The following RGS3 variants were observed in gnomAD, a reference collection of about 807,000 sequenced individuals.
The protein encoded by RGS3 is regulator of G-protein signalling 3.
Under a neutral mutation model 132.6 loss-of-function variants are expected in RGS3, and 80 were observed. That is an observed-to-expected ratio of 0.60 (90% CI 0.50 to 0.73). The LOEUF (loss-of-function observed/expected upper bound fraction) is 0.73. RGS3 is among the 30% of genes least tolerant of loss of function. RGS3 has a pLI of 0.00. For synonymous variants in RGS3, 598 were observed against 620.6 expected (o/e 0.96, Z 0.54); for missense variants, 1,382 against 1,530.8 (o/e 0.90, Z 1.62).
intron 15 of RGS3, 120 bp from the exon 14 acceptor site, chr9:113,517,421 G>C: frequency 1.3e-6 from 1 of 796,324 alleles, no homozygotes; most frequent in Non-Finnish European, 2.2e-6. Flanking sequence ...GTGGCGGGCT[G>C]ACAGTCTTCT....
chr9:113,569,141 G>A lies in RGS3; in HGVS notation c.2038-14309G>A, dbSNP rs558068093. Reference sequence around the variant, plus strand: ...AGGCTGCTGCCGGAGAACTGTCAGCGGCTCCCAACTTAGAAAGGGGGGTGT... The same window carrying A: ...AGGCTGCTGCCGGAGAACTGTCAGCAGCTCCCAACTTAGAAAGGGGGGTGT... On this transcript the variant is annotated intron_variant, in intron 19 of 24. Coordinates refer to ENST00000350696, the Ensembl canonical transcript of RGS3. 5.3e-5 allele frequency among the ~76,000 whole-genome samples: 8 copies of A among 152,298 alleles called. No homozygotes were observed. In the East Asian group the frequency reaches 1.4e-3, roughly 26 times the overall value.
intron 19 of RGS3, among the ~76,000 whole-genome samples, chr9:113,571,476 C>T (rs997302264): frequency 2.0e-5 from 3 of 152,122 alleles, no homozygotes; most frequent in South Asian, 4.2e-4. Context: ...CTGGTGAGGT[C>T]GAGTCCCTTT....
rs549515421 is a variant in RGS3, at chr9:113,573,993, G to A, written c.2038-9457G>A. ...TGACTTGCTTTTTGATCTTGTGTAA[G>A]TTACTTAATGTCTCTAACTCCTAGT... On this transcript the variant is annotated intron_variant, in intron 19 of 24. Coordinates refer to ENST00000350696, the Ensembl canonical transcript of RGS3. Among the ~76,000 whole-genome samples, 30 of 152,308 alleles carry A rather than the reference G, an allele frequency of 2.0e-4. 1 individual carries two copies. Among genetic ancestry groups the A allele is most frequent in the African/African-American group, 6.3e-4 (26 of 41,548 alleles).
At chr9:113,480,224 C>T (rs1830114667) in intron 4 of RGS3, among the ~76,000 whole-genome samples, 2 of 151,952 alleles carry the variant, frequency 1.3e-5, no homozygotes, top group South Asian at 2.1e-4. Context: ...TTTGGGAGGC[C>T]GAGGCGGGCA....
chr9:113,515,109 G>A (rs922598931), intron 15 of RGS3, among the ~76,000 whole-genome samples: 8 of 152,098 alleles, frequency 5.3e-5, no homozygotes, highest in Non-Finnish European at 1.0e-4. Flanking sequence ...GGTGGCCTGC[G>A]ATTCACTAGA....
At chr9:113,567,267 A>G (rs1267950804) in intron 19 of RGS3, among the ~76,000 whole-genome samples, 2 of 149,566 alleles carry the variant, frequency 1.3e-5, no homozygotes, top group African/African-American at 2.5e-5. Context: ...ATTTTATCCA[A>G]ACTTCCACAA....
At chr9:113,492,251 G>T (rs1830542702) in intron 7 of RGS3, among the ~76,000 whole-genome samples, 1 of 152,106 alleles carries the variant, frequency 6.6e-6, no homozygotes, top group Admixed American at 6.6e-5. Context: ...CATATGTGCT[G>T]CATGAAGTTA....
intron 7 of RGS3, among the ~76,000 whole-genome samples, chr9:113,486,683 G>T (rs1277628765): frequency 6.6e-6 from 1 of 152,208 alleles, no homozygotes; most frequent in Non-Finnish European, 1.5e-5. Flanking sequence ...TGACTGAAAA[G>T]GGGCTTCCGT....
intron 19 of RGS3, among the ~76,000 whole-genome samples, chr9:113,569,345 A>G (rs997055153): frequency 6.6e-6 from 1 of 152,016 alleles, no homozygotes; most frequent in Non-Finnish European, 1.5e-5. Context: ...GCCTCTGGGG[A>G]CCACATGGCT....
intron 22 of RGS3, 142 bp from the exon 21 acceptor site, chr9:113,594,777 G>T: frequency 1.3e-6 from 1 of 781,678 alleles, no homozygotes. Context: ...GGGAAAGAGG[G>T]TGGGCCTCCT....
chr9:113,542,391 G>A (rs1213243503), intron 19 of RGS3, among the ~76,000 whole-genome samples: 1 of 152,184 alleles, frequency 6.6e-6, no homozygotes, highest in Non-Finnish European at 1.5e-5. Context: ...TTGAGGAAGG[G>A]AGTTGCAAGT....
intron 19 of RGS3, among the ~76,000 whole-genome samples, chr9:113,576,123 C>T (rs1197352280): frequency 2.0e-5 from 3 of 151,830 alleles, no homozygotes; most frequent in Non-Finnish European, 2.9e-5. Flanking sequence ...TGGCGTGAAC[C>T]CGGGAGGCGG....
rs111499063 is a variant in RGS3, at chr9:113,503,150, C to T, written c.898-2292C>T. On this transcript the variant is annotated intron_variant, in intron 10 of 24. Coordinates refer to ENST00000350696, the Ensembl canonical transcript of RGS3. ...TGCCCTGGACAGGAAAGAGCGAGAACCACCCGCAGGAAGGACAGGCTCTGT... is the reference window on the plus strand; with the variant it reads ...TGCCCTGGACAGGAAAGAGCGAGAATCACCCGCAGGAAGGACAGGCTCTGT... 3.2e-3 allele frequency among the ~76,000 whole-genome samples: 493 copies of T among 152,324 alleles called. 3 individuals are homozygous for T. The highest frequency in any genetic ancestry group is 0.011 in the African/African-American group (469 of 41,560).
chr9:113,509,900 T>A (rs564365879), intron 14 of RGS3, among the ~76,000 whole-genome samples: 1 of 152,336 alleles, frequency 6.6e-6, no homozygotes, highest in East Asian at 1.9e-4. Context: ...GTGTTCCTTC[T>A]GGGGAGAAGT....
In RGS3 at chr9:113,447,329, GTA is replaced by G. The variant is rs60991619; in HGVS notation, c.-13+2433_-13+2434del. 3.9e-3 allele frequency among the ~76,000 whole-genome samples: 108 copies of G among 27,548 alleles called. 14 individuals carry two copies. The East Asian group carries it at 0.12, about 32-fold the overall frequency. 18.1% of individuals were successfully genotyped at this position (27,548 alleles called of 152,430 possible). On this transcript the variant is annotated intron_variant, in intron 1 of 25. Coordinates refer to the RGS3 transcript ENST00000374140. ...CCAATAAATTCTGATGTATGTATATGTATATATATATATATATATATATATAT... is the reference window on the plus strand; with the variant it reads ...CCAATAAATTCTGATGTATGTATATGTATATATATATATATATATATATAT...
intron 18 of RGS3, among the ~76,000 whole-genome samples, chr9:113,530,455 G>A (rs1178565181): frequency 6.6e-6 from 1 of 152,224 alleles, no homozygotes; most frequent in East Asian, 1.9e-4. Flanking sequence ...ACAGGAAGTG[G>A]CTGATGGAAT....
intron 4 of RGS3, among the ~76,000 whole-genome samples, chr9:113,481,457 G>A (rs1213158347): frequency 2.0e-5 from 3 of 152,238 alleles, no homozygotes; most frequent in African/African-American, 7.2e-5. Flanking sequence ...GAGTAGACTA[G>A]TAGGCGCCTG....
At chr9:113,451,206 G>T (rs549948318) in intron 1 of RGS3, among the ~76,000 whole-genome samples, 2 of 151,680 alleles carry the variant, frequency 1.3e-5, no homozygotes, top group African/African-American at 4.8e-5. Context: ...AAAAAAAGGT[G>T]GGGGCAGGCC....
chr9:113,523,981 G>A (rs1038214528), intron 17 of RGS3, among the ~76,000 whole-genome samples: 5 of 152,110 alleles, frequency 3.3e-5, no homozygotes, highest in Non-Finnish European at 5.9e-5. Context: ...TCTCCATCTC[G>A]GGCTCTGGCC....
Sources: gnomAD v4.1 joint callset for allele counts (sites outside exome capture counted in the v4.1 genomes callset) on GRCh38, gnomAD v4.1.1 for gene constraint, MANE v1.5 for transcripts, NCBI Gene and HGNC (gene_info 2026-07-23, HGNC 2026-07-21) for gene names.